Variants in KPNA1 observed in about 807,000 individuals in gnomAD.
KPNA1 encodes karyopherin subunit alpha 1, also known as importin subunit alpha-5.
In KPNA1, 10 loss-of-function variants were observed where a neutral mutation model predicts 70.5. That is an observed-to-expected ratio of 0.14 (90% CI 0.09 to 0.24). KPNA1 has a LOEUF of 0.24. Ranked by LOEUF, KPNA1 falls within the 10% of genes least tolerant of loss-of-function variation. KPNA1 has a pLI of 1.00. For missense variants in KPNA1, 397 were observed against 637.9 expected (o/e 0.62, Z 4.07); for synonymous variants, 192 against 221.9 (o/e 0.87, Z 1.20).
intron 1 of KPNA1, among the ~76,000 whole-genome samples, chr3:122,498,092 G>GT (rs1218412496): frequency 2.0e-5 from 3 of 152,024 alleles, no homozygotes; most frequent in African/African-American, 7.2e-5. Context: ...TTTTTTGCAT[G>GT]TGTCTATCCA....
chr3:122,495,380 A>G (rs971799582), intron 2 of KPNA1, among the ~76,000 whole-genome samples: 3 of 152,154 alleles, frequency 2.0e-5, no homozygotes, highest in Non-Finnish European at 2.9e-5. Flanking sequence ...AAGTGGATAC[A>G]TTCAAAGATG....
chr3:122,463,167 T>A (rs2076343415), intron 4 of KPNA1, among the ~76,000 whole-genome samples: 1 of 151,734 alleles, frequency 6.6e-6, no homozygotes, highest in South Asian at 2.1e-4. Flanking sequence ...GCTAACACAG[T>A]GAAACACCGT....
intron 3 of KPNA1, among the ~76,000 whole-genome samples, chr3:122,465,019 CAT>C (rs371853198): frequency 2.0e-5 from 3 of 151,750 alleles, no homozygotes; most frequent in African/African-American, 7.3e-5. Context: ...TAAACACATT[CAT>C]ATATATATAT....
intron 9 of KPNA1, among the ~76,000 whole-genome samples, chr3:122,443,762 T>C (rs1029851900): frequency 6.6e-6 from 1 of 152,028 alleles, no homozygotes; most frequent in African/African-American, 2.4e-5. Flanking sequence ...AGGGTGTGGG[T>C]CACAGAGATC....
chr3:122,488,448 G>A (rs970706261), intron 2 of KPNA1, among the ~76,000 whole-genome samples: 19 of 152,190 alleles, frequency 1.2e-4, no homozygotes, highest in African/African-American at 4.1e-4. Context: ...GAGTCTGGGA[G>A]GTTGAGGCTA....
chr3:122,427,449 G>T (rs1198611689), intron 13 of KPNA1, 89 bp downstream of exon 13: 3 of 1,272,806 alleles, frequency 2.4e-6, no homozygotes, highest in Non-Finnish European at 3.3e-6. Flanking sequence ...TTCATCCAGT[G>T]CCTAGCAGTA....
chr3:122,464,287 C>G, intron 3 of KPNA1: 1 of 340,678 alleles, frequency 2.9e-6, no homozygotes. Context: ...AGACAAGGAG[C>G]TTATTGCTCT....
At chr3:122,437,106 C>G in intron 11 of KPNA1, 64 bp downstream of exon 11, 1 of 1,549,464 alleles carries the variant, frequency 6.5e-7, no homozygotes. Context: ...TAAAGGGTGA[C>G]TGAGAAAAAA....
intron 9 of KPNA1, chr3:122,442,885 C>A (rs140823101): frequency 6.6e-6 from 1 of 152,240 alleles, no homozygotes; most frequent in African/African-American, 2.4e-5. Flanking sequence ...CCAGAGTGAT[C>A]GACGCAGAAG....
At chr3:122,460,797 G>T in intron 5 of KPNA1, 1 of 344,622 alleles carries the variant, frequency 2.9e-6, no homozygotes, top group Non-Finnish European at 4.1e-6. Context: ...CTTTTTGTGG[G>T]GTGGAGGAAG....
intron 10 of KPNA1, among the ~76,000 whole-genome samples, chr3:122,441,190 A>G (rs2076057657): frequency 6.6e-6 from 1 of 152,222 alleles, no homozygotes; most frequent in Non-Finnish European, 1.5e-5. Flanking sequence ...AGGGAGAAAT[A>G]AATGGTCGAT....
intron 10 of KPNA1, among the ~76,000 whole-genome samples, chr3:122,441,586 T>C (rs773562266): frequency 6.6e-6 from 1 of 151,908 alleles, no homozygotes; most frequent in East Asian, 1.9e-4. Flanking sequence ...GTATTGAGAG[T>C]AGATGCCTAA....
chr3:122,463,809 T>A, intron 4 of KPNA1, 133 bp downstream of exon 4: 1 of 507,214 alleles, frequency 2.0e-6, no homozygotes, highest in Non-Finnish European at 3.5e-6. Flanking sequence ...CACAATTACA[T>A]ATATGTCTGT....
intron 9 of KPNA1, among the ~76,000 whole-genome samples, chr3:122,447,031 G>C (rs1356222024): frequency 6.6e-6 from 1 of 152,084 alleles, no homozygotes; most frequent in Non-Finnish European, 1.5e-5. Context: ...GTAATTAATA[G>C]CCTACCAACC....
chr3:122,479,783 C>G (rs181760553), intron 2 of KPNA1, among the ~76,000 whole-genome samples: 17 of 152,108 alleles, frequency 1.1e-4, no homozygotes, highest in African/African-American at 4.1e-4. Flanking sequence ...AAAATTAACT[C>G]TTCCATAGGA....
intron 9 of KPNA1, among the ~76,000 whole-genome samples, chr3:122,444,661 C>T: frequency 6.6e-6 from 1 of 152,116 alleles, no homozygotes; most frequent in Non-Finnish European, 1.5e-5. Flanking sequence ...GGCGGGTGCC[C>T]CTCTGGGACG....
chr3:122,443,792 A>G (rs2076097914), intron 9 of KPNA1, among the ~76,000 whole-genome samples: 1 of 152,188 alleles, frequency 6.6e-6, no homozygotes, highest in Admixed American at 6.5e-5. Flanking sequence ...AAAAGGCAAT[A>G]AAATATCACA....
chr3:122,477,009 C>G (rs2076508445), intron 2 of KPNA1, among the ~76,000 whole-genome samples: 1 of 151,984 alleles, frequency 6.6e-6, no homozygotes, highest in African/African-American at 2.4e-5. Context: ...TTCACAATAG[C>G]CAAGATATGG....
At chr3:122,476,861 C>CAAAAAAAAAAAAAAAAAAAAAAAAAAA (rs144118691) in intron 2 of KPNA1, among the ~76,000 whole-genome samples, 5 of 65,500 alleles carry the variant, frequency 7.6e-5, no homozygotes, top group Non-Finnish European at 1.4e-4. Context: ...GGAGGTTCCA[C>CAAAAAAAAAAAAAAAAAAAAAAAAAAA]AAAAAAAAAA....
Sources: allele counts gnomAD v4.1 joint callset (sites outside exome capture counted in the v4.1 genomes callset), GRCh38; gene constraint gnomAD v4.1.1; transcripts MANE v1.5; gene names NCBI Gene and HGNC (gene_info 2026-07-23, HGNC 2026-07-21).